Variants in KIRREL3 observed in about 807,000 individuals in gnomAD.
KIRREL3 encodes the protein kirre like nephrin family adhesion molecule 3.
A neutral mutation model predicts 89.7 loss-of-function variants in KIRREL3; 36 were observed. That is an observed-to-expected ratio of 0.40 (90% CI 0.31 to 0.53). The LOEUF is 0.53. Among genes scored for constraint, KIRREL3 ranks in the 20% least tolerant of loss-of-function variants. The pLI is 0.49. For missense variants in KIRREL3, 864 were observed against 1,056.6 expected, an observed-to-expected ratio of 0.82 and a Z score of 2.53; for synonymous variants, 445 against 441.4, an observed-to-expected ratio of 1.01 and a Z score of -0.10.
At position 126,627,806 on chromosome 11, in the gene KIRREL3, C is replaced by G. The variant is rs979737564; in HGVS notation, c.56-64894G>C. On this transcript the variant is annotated intron_variant, in intron 1 of 16. Coordinates refer to ENST00000525144, the MANE Select transcript of KIRREL3 (RefSeq NM_032531.4). This position sits in a 1 kb window ranked among gnomAD's most constrained non-coding sequence, Gnocchi z 5.0. Reference sequence around the variant, plus strand: ...CAGATGCTCAGAGAGAACTCACAGGCCCCAGTGGAGGGCTTGGATCTGAGC... The same window carrying G: ...CAGATGCTCAGAGAGAACTCACAGGGCCCAGTGGAGGGCTTGGATCTGAGC... Among the ~76,000 whole-genome samples the G allele has an allele frequency of 6.6e-6, 1 of 152,114 alleles. No individual in the cohort carries two copies. The highest frequency in any genetic ancestry group is 1.5e-5 in the Non-Finnish European group (1 of 68,008).
rs1950285580 is a variant in KIRREL3 at position 127,000,324 on chromosome 11, C to G, written c.55+131G>C. The G allele has an allele frequency of 1.5e-6, 1 of 683,756 alleles. No individual in the cohort carries two copies. Among genetic ancestry groups the G allele is most frequent in the African/African-American group, 1.8e-5 (1 of 54,662 alleles). The allele number at this position is 683,756 out of a possible 1,614,324, so 42.4% of individuals were successfully genotyped here. On this transcript the variant is annotated intron_variant, in intron 1 of 16. Transcript: ENST00000525144. This position sits in a 1 kb window ranked among gnomAD's most constrained non-coding sequence, Gnocchi z 7.1. Reference sequence around the variant, plus strand: ...AGGCGAAGAGGCAATGCCAGAGCATCTCAGCCCGGCACCGAGAGACGCATC... The same window carrying G: ...AGGCGAAGAGGCAATGCCAGAGCATGTCAGCCCGGCACCGAGAGACGCATC...
intron 6 of KIRREL3, among the ~76,000 whole-genome samples, chr11:126,460,924 G>T (rs1005394816): frequency 1.3e-5 from 2 of 152,234 alleles, no homozygotes; most frequent in Admixed American, 1.3e-4. Context: ...CTCCTGATCA[G>T]GTTGGGGACA....
intron 1 of KIRREL3, among the ~76,000 whole-genome samples, chr11:126,759,629 C>T (rs1949609995): frequency 6.6e-6 from 1 of 152,172 alleles, no homozygotes; most frequent in South Asian, 2.1e-4. Flanking sequence ...GGAGAAGTTT[C>T]TAGAGGGACA....
Position 126,766,606 on chromosome 11 carries a change from G to T in KIRREL3, c.56-203694C>A, listed in dbSNP as rs544863237. Among the ~76,000 whole-genome samples, 1 of 152,200 alleles carries T rather than the reference G, an allele frequency of 6.6e-6. No homozygotes were observed. The highest frequency in any genetic ancestry group is 2.1e-4 in the South Asian group (1 of 4,810). On this transcript the variant is annotated intron_variant, in intron 1 of 16. Transcript: ENST00000525144. The surrounding 1 kb of genome is among the most constrained non-coding windows in gnomAD (Gnocchi z 4.2). ...AGAGATTATTGTGCCTCATGGTGGC[G>T]CCAGTAGTATCATTCCATTACCATT...
In KIRREL3 at chr11:126,651,076, A is replaced by G. The variant is rs1317734579; in HGVS notation, c.56-88164T>C. ...GGAAACCACCCCCATGATTCAAATT[A>G]TCTCCCACCGGGTCCCTCCCACAAC... On this transcript the variant is annotated intron_variant, in intron 1 of 16. Coordinates refer to ENST00000525144, the MANE Select transcript of KIRREL3 (RefSeq NM_032531.4). This position sits in a 1 kb window ranked among gnomAD's most constrained non-coding sequence, Gnocchi z 4.6. Among the ~76,000 whole-genome samples, 1 of 152,112 alleles carries G rather than the reference A, an allele frequency of 6.6e-6. No individual in the cohort carries two copies. Among genetic ancestry groups the G allele is most frequent in the Non-Finnish European group, 1.5e-5 (1 of 68,020 alleles).
chr11:126,969,995 G>C lies in KIRREL3; in HGVS notation c.55+30460C>G, dbSNP rs1370356691. Reference sequence around the variant, plus strand: ...ATGTGACTAGTGTATGACTCTATCTGAGTTAAGACAACGCAATACGAAAGA... The same window carrying C: ...ATGTGACTAGTGTATGACTCTATCTCAGTTAAGACAACGCAATACGAAAGA... On this transcript the variant is annotated intron_variant, in intron 1 of 16. Transcript: ENST00000525144. The surrounding 1 kb of genome is among the most constrained non-coding windows in gnomAD (Gnocchi z 4.9). Among the ~76,000 whole-genome samples, 2 of 152,150 alleles carry C rather than the reference G, an allele frequency of 1.3e-5. No individual in the cohort carries two copies. The highest frequency in any genetic ancestry group is 2.9e-5 in the Non-Finnish European group (2 of 68,036).
At chr11:126,538,076 G>A (rs532813745) in intron 2 of KIRREL3, among the ~76,000 whole-genome samples, 1 of 152,166 alleles carries the variant, frequency 6.6e-6, no homozygotes, top group East Asian at 1.9e-4. Context: ...GGCTGAGAAT[G>A]GAGGCTTTGC....
rs565367280 is a variant in KIRREL3 at position 126,885,933 on chromosome 11, C to T, written c.55+114522G>A. 3.3e-5 allele frequency among the ~76,000 whole-genome samples: 5 copies of T among 152,324 alleles called. No homozygotes were observed. In the South Asian group the frequency reaches 1.0e-3, roughly 32 times the overall value. ...ATTAACTGATTATGGGATATTGAAC[C>T]TAATCAGTAAAGATAAGAAATATGA... On this transcript the variant is annotated intron_variant, in intron 1 of 16. Coordinates refer to ENST00000525144, the MANE Select transcript of KIRREL3 (RefSeq NM_032531.4).
In KIRREL3 at chr11:126,519,103, T is replaced by A. The variant is rs1958510329; in HGVS notation, c.433+2212A>T. ...GCCCTCCTTCCGCTGATCTCCAGAC[T>A]TGAATAAAACATCTCCCCCATACAA... On this transcript the variant is annotated intron_variant, in intron 4 of 16. Coordinates refer to ENST00000525144, the MANE Select transcript of KIRREL3 (RefSeq NM_032531.4). The surrounding 1 kb of genome is among the most constrained non-coding windows in gnomAD (Gnocchi z 4.3). Among the ~76,000 whole-genome samples, 1 of 152,200 alleles carries A rather than the reference T, an allele frequency of 6.6e-6. No homozygotes were observed. Among genetic ancestry groups the A allele is most frequent in the African/African-American group, 2.4e-5 (1 of 41,454 alleles).
intron 1 of KIRREL3, among the ~76,000 whole-genome samples, chr11:126,633,028 G>T (rs996262238): frequency 6.6e-6 from 1 of 152,042 alleles, no homozygotes; most frequent in Non-Finnish European, 1.5e-5. Context: ...GGAGGCAGAG[G>T]TTGCTCTATC....
chr11:126,498,521 T>G lies in KIRREL3; in HGVS notation c.433+22794A>C, dbSNP rs1957747330. On this transcript the variant is annotated intron_variant, in intron 4 of 16. Coordinates refer to ENST00000525144, the MANE Select transcript of KIRREL3 (RefSeq NM_032531.4). This position sits in a 1 kb window ranked among gnomAD's most constrained non-coding sequence, Gnocchi z 4.3. Reference sequence around the variant, plus strand: ...AGCGAGAGATAATTATAATCAGATCTAATTAGTAATTATAAAAGATCCCGA... The same window carrying G: ...AGCGAGAGATAATTATAATCAGATCGAATTAGTAATTATAAAAGATCCCGA... Among the ~76,000 whole-genome samples the G allele has an allele frequency of 6.6e-6, 1 of 152,230 alleles. No individual in the cohort carries two copies. The highest frequency in any genetic ancestry group is 2.4e-5 in the African/African-American group (1 of 41,450).
At chr11:126,727,762 C>G (rs12799460) in intron 1 of KIRREL3, among the ~76,000 whole-genome samples, 2 of 152,194 alleles carry the variant, frequency 1.3e-5, no homozygotes, top group African/African-American at 4.8e-5. Flanking sequence ...TACGGAAACG[C>G]TGTCTCTGTG....
chr11:126,491,724 C>T lies in KIRREL3; in HGVS notation c.434-18258G>A, dbSNP rs762865276. Among the ~76,000 whole-genome samples, 5 of 152,016 alleles carry T rather than the reference C, an allele frequency of 3.3e-5. No individual in the cohort carries two copies. The highest frequency in any genetic ancestry group is 2.1e-4 in the South Asian group (1 of 4,812). ...TTTTTTCTTTTTTTTTATATTTATA[C>T]GGAGTCTTGCTCTGTCACCCAAGCT... On this transcript the variant is annotated intron_variant, in intron 4 of 16. Transcript: ENST00000525144. The surrounding 1 kb of genome is among the most constrained non-coding windows in gnomAD (Gnocchi z 5.5).
intron 4 of KIRREL3, among the ~76,000 whole-genome samples, chr11:126,478,661 GTATA>G (rs915013334): frequency 1.3e-5 from 2 of 151,962 alleles, no homozygotes; most frequent in African/African-American, 4.8e-5. Flanking sequence ...ATGTGTATAT[GTATA>G]TATGTATGTG....
intron 2 of KIRREL3, among the ~76,000 whole-genome samples, chr11:126,552,716 A>G (rs932939473): frequency 6.6e-6 from 1 of 151,646 alleles, no homozygotes; most frequent in African/African-American, 2.4e-5. Context: ...ACCTGCCACC[A>G]TGCCCAGCTA....
chr11:126,806,686 CT>C (rs953445807), intron 1 of KIRREL3, among the ~76,000 whole-genome samples: 6 of 152,108 alleles, frequency 3.9e-5, no homozygotes, highest in African/African-American at 1.4e-4. Context: ...ATTTATTATA[CT>C]TTAAGTTCTG....
Position 126,521,302 on chromosome 11 carries a change from A to T in KIRREL3, c.433+13T>A. The T allele has an allele frequency of 6.5e-7, 1 of 1,529,472 alleles. No individual in the cohort carries two copies. 94.7% of individuals were successfully genotyped at this position (1,529,472 alleles called of 1,614,324 possible). On this transcript the variant is annotated intron_variant, in intron 4 of 16. Coordinates refer to ENST00000525144, the MANE Select transcript of KIRREL3 (RefSeq NM_032531.4). This position sits in a 1 kb window ranked among gnomAD's most constrained non-coding sequence, Gnocchi z 4.1. ...CACGCAGTGTCCCAGCCCCGTGTGCAGATGGTTCTTACCCAGGACTGTGAG... is the reference window on the plus strand; with the variant it reads ...CACGCAGTGTCCCAGCCCCGTGTGCTGATGGTTCTTACCCAGGACTGTGAG...
At position 126,569,023 on chromosome 11, in the gene KIRREL3, A is replaced by AGAGCTTG. The variant is rs1187226374; in HGVS notation, c.56-6118_56-6112dup. Among the ~76,000 whole-genome samples the AGAGCTTG allele has an allele frequency of 6.6e-6, 1 of 152,108 alleles. No homozygotes were observed. Among genetic ancestry groups the AGAGCTTG allele is most frequent in the Non-Finnish European group, 1.5e-5 (1 of 68,028 alleles). ...GTCATGGGAGAGGCCAAGGAACCAGAGAGCTTGGGAATGGAGAGGAAATGA... is the reference window on the plus strand; with the variant it reads ...GTCATGGGAGAGGCCAAGGAACCAGAGAGCTTGGAGCTTGGGAATGGAGAGGAAATGA... On this transcript the variant is annotated intron_variant, in intron 1 of 16. Coordinates refer to ENST00000525144, the MANE Select transcript of KIRREL3 (RefSeq NM_032531.4). This position sits in a 1 kb window ranked among gnomAD's most constrained non-coding sequence, Gnocchi z 6.5.
In KIRREL3 at chr11:126,429,942, C is replaced by G. The variant is rs926108641; in HGVS notation, c.1697-654G>C. ...ACGAGGTCAGGAGTTTGACACCAGC[C>G]TGGCCAACATGGTGAAACCCCGTCT... On this transcript the variant is annotated intron_variant, in intron 14 of 16. Coordinates refer to ENST00000525144, the MANE Select transcript of KIRREL3 (RefSeq NM_032531.4). This position sits in a 1 kb window ranked among gnomAD's most constrained non-coding sequence, Gnocchi z 5.2. Among the ~76,000 whole-genome samples the G allele has an allele frequency of 1.4e-4, 21 of 151,450 alleles. No homozygotes were observed. Among genetic ancestry groups the G allele is most frequent in the Non-Finnish European group, 2.9e-4 (20 of 67,918 alleles).
Sources: gnomAD v4.1 joint callset for allele counts (sites outside exome capture counted in the v4.1 genomes callset) on GRCh38, gnomAD v4.1.1 for gene constraint, Gnocchi (gnomAD v3.1) non-coding constraint, MANE v1.5 for transcripts, NCBI Gene and HGNC (gene_info 2026-07-23, HGNC 2026-07-21) for gene names.